CSGALNACT1: variants seen among roughly 807,000 people sequenced by gnomAD.
CSGALNACT1 encodes beta4GalNAcT-1.
Under a neutral mutation model 51.0 loss-of-function variants are expected in CSGALNACT1, and 52 were observed. The observed-to-expected ratio is 1.02, with a 90% confidence interval of 0.82 to 1.29. The LOEUF is 1.29. Ranked by LOEUF, CSGALNACT1 falls within the 50% of genes most tolerant of loss-of-function variation. CSGALNACT1 has a pLI of 0.00. For missense variants in CSGALNACT1, 935 were observed against 679.2 expected (o/e 1.38, Z -4.19); for synonymous variants, 341 against 254.4 (o/e 1.34, Z -3.24).
intron 1 of CSGALNACT1, among the ~76,000 whole-genome samples, chr8:19,667,003 G>GA (rs1201645786): frequency 2.3e-3 from 67 of 28,550 alleles, no homozygotes; most frequent in African/African-American, 4.7e-3. Context: ...AAGAAAGAAA[G>GA]AAAGAAAGAA....
At chr8:19,747,135 C>A (rs1313559836) in intron 1 of CSGALNACT1, among the ~76,000 whole-genome samples, 1 of 152,178 alleles carries the variant, frequency 6.6e-6, no homozygotes, top group Admixed American at 6.5e-5. Context: ...ACTGGTTACC[C>A]TCTGTGCACC....
intron 6 of CSGALNACT1, among the ~76,000 whole-genome samples, chr8:19,431,592 T>A (rs1049705047): frequency 1.4e-4 from 22 of 152,124 alleles, no homozygotes; most frequent in African/African-American, 5.3e-4. Context: ...GGTTTTGCAT[T>A]TATATTCATA....
At chr8:19,559,381 T>TAA (rs1262797806) in intron 3 of CSGALNACT1, among the ~76,000 whole-genome samples, 1 of 152,166 alleles carries the variant, frequency 6.6e-6, no homozygotes, top group Non-Finnish European at 1.5e-5. Flanking sequence ...ACATCATACT[T>TAA]AAATGCTGAC....
At chr8:19,482,818 C>G (rs1476312858) in intron 4 of CSGALNACT1, among the ~76,000 whole-genome samples, 2 of 152,118 alleles carry the variant, frequency 1.3e-5, no homozygotes, top group Non-Finnish European at 2.9e-5. Context: ...ATTTTGAGCT[C>G]CAAACCCATA....
rs140161612 is a variant in CSGALNACT1 at position 19,505,458 on chromosome 8, G to A, written c.377C>T (p.Ser126Leu). The stretch of plus-strand genomic sequence containing the variant: ...ATTCACCTCTGCCTTGTCCACCTGC[G>A]AGTGCAGGAAGGCCAGGAGGTCGGC... Residue 126 changes from serine to leucine, a missense_variant, in exon 4 of 10, where the codon TCG becomes TTG. Physicochemically the swap from Ser to Leu is moderately radical, Grantham distance 145. Transcript: ENST00000454498. 1.0e-3 allele frequency: 1,669 copies of A among 1,614,158 alleles called. 22 individuals carry two copies. The East Asian group carries it at 0.031, about 30-fold the overall frequency.
intron 1 of CSGALNACT1, among the ~76,000 whole-genome samples, chr8:19,652,216 A>C (rs1369007051): frequency 2.0e-5 from 3 of 152,136 alleles, no homozygotes; most frequent in Non-Finnish European, 4.4e-5. Flanking sequence ...CTCCCAAAGT[A>C]CTAAGATTAC....
exon 4 of CSGALNACT1, chr8:19,505,229 A>C: frequency 6.2e-7 from 1 of 1,614,094 alleles, no homozygotes; most frequent in South Asian, 1.1e-5. Flanking sequence ...CCGTGTAAGG[A>C]CGGTGATTGG....
chr8:19,505,646 C>T lies in CSGALNACT1; in HGVS notation c.189G>A (p.Glu63=), dbSNP rs756846405. 36 of 1,614,078 alleles carry T rather than the reference C, an allele frequency of 2.2e-5. No homozygotes were observed. The highest frequency in any genetic ancestry group is 2.9e-5 in the Non-Finnish European group (34 of 1,180,048). The change falls in exon 4 of 10, where the codon GAG becomes GAA. Residue 63 remains glutamate, a synonymous_variant. Transcript: ENST00000454498. ...CGTAGTTGCGGTGCTGCTCCTCCCA[C>T]TCCTGAAGGACGGCCTGGTACCCCT... is the stretch of plus-strand genomic sequence containing the variant.
At chr8:19,452,877 C>G (rs1296111670) in intron 5 of CSGALNACT1, among the ~76,000 whole-genome samples, 1 of 152,190 alleles carries the variant, frequency 6.6e-6, no homozygotes, top group East Asian at 1.9e-4. Context: ...CTGCACAAAG[C>G]CCCTGGGGGT....
In CSGALNACT1 at chr8:19,505,565, A is replaced by G. The variant is rs774333251; in HGVS notation, c.270T>C (p.Ser90=). ...GGTACTGCCCATTCCTGAGCTGCTC[A>G]CTCCTCTCCTGCAGCTCCTCCTTGA... Residue 90 remains serine (S), a synonymous_variant, in exon 4 of 10, where the codon AGT becomes AGC. Coordinates refer to ENST00000454498, the Ensembl canonical transcript of CSGALNACT1. 3 of 1,612,950 alleles carry G rather than the reference A, an allele frequency of 1.9e-6. No individual in the cohort carries two copies. The South Asian group carries it at 3.3e-5, about 18-fold the overall frequency.
intron 4 of CSGALNACT1, among the ~76,000 whole-genome samples, chr8:19,504,441 C>A (rs1272331752): frequency 6.6e-6 from 1 of 152,246 alleles, no homozygotes; most frequent in East Asian, 1.9e-4. Flanking sequence ...CTTCTTTTCC[C>A]AAATTATTAG....
chr8:19,603,265 T>G (rs1306365543), upstream of CSGALNACT1, among the ~76,000 whole-genome samples: 1 of 152,206 alleles, frequency 6.6e-6, no homozygotes, highest in Non-Finnish European at 1.5e-5. Flanking sequence ...AAAGGTTTTC[T>G]CTGACTCACT....
At chr8:19,453,923 AAGGTAGGG>A (rs2063622540) in intron 5 of CSGALNACT1, among the ~76,000 whole-genome samples, 1 of 149,842 alleles carries the variant, frequency 6.7e-6, no homozygotes, top group South Asian at 2.2e-4. Context: ...AGAAAGAAGG[AAGGTAGGG>A]AGGGAGGGAG....
intron 1 of CSGALNACT1, among the ~76,000 whole-genome samples, chr8:19,711,205 A>G (rs908439309): frequency 6.6e-6 from 1 of 152,220 alleles, no homozygotes; most frequent in African/African-American, 2.4e-5. Context: ...AGTCATCAAC[A>G]GTGATAGTCG....
chr8:19,656,603 C>A (rs916806908), intron 1 of CSGALNACT1, among the ~76,000 whole-genome samples: 26 of 37,176 alleles, frequency 7.0e-4, no homozygotes, highest in African/African-American at 2.0e-3. Context: ...CCCCCCCCCA[C>A]ACACACACAC....
chr8:19,635,713 C>T (rs1263793328), intron 1 of CSGALNACT1, among the ~76,000 whole-genome samples: 1 of 152,078 alleles, frequency 6.6e-6, no homozygotes, highest in African/African-American at 2.4e-5. Context: ...GAAGTCTTTC[C>T]ACTTCCCTTT....
chr8:19,685,510 A>G (rs1195214970), upstream of CSGALNACT1, among the ~76,000 whole-genome samples: 1 of 150,958 alleles, frequency 6.6e-6, no homozygotes, highest in Non-Finnish European at 1.5e-5. Context: ...AAACAAAGAA[A>G]TAAAACAAGA....
At chr8:19,638,210 C>G (rs2056333967) in intron 1 of CSGALNACT1, among the ~76,000 whole-genome samples, 1 of 149,430 alleles carries the variant, frequency 6.7e-6, no homozygotes, top group South Asian at 2.1e-4. Context: ...CCACCTCACC[C>G]TTCAGGTCTC....
At chr8:19,412,726 C>T (rs1011526753) in intron 8 of CSGALNACT1, among the ~76,000 whole-genome samples, 1 of 152,144 alleles carries the variant, frequency 6.6e-6, no homozygotes, top group Non-Finnish European at 1.5e-5. Flanking sequence ...CAGGGGCTCA[C>T]ATTTTCATCT....
Sources: gnomAD v4.1 joint callset for allele counts (sites outside exome capture counted in the v4.1 genomes callset) on GRCh38, gnomAD v4.1.1 for gene constraint, MANE v1.5 for transcripts, NCBI Gene and HGNC (gene_info 2026-07-23, HGNC 2026-07-21) for gene names.